SLC1A1: variants seen among roughly 807,000 people sequenced by gnomAD.
SLC1A1 encodes solute carrier family 1 member 1, also known as excitatory amino acid transporter 3.
A neutral mutation model predicts 53.3 loss-of-function variants in SLC1A1; 43 were observed. The observed-to-expected ratio is 0.81, with a 90% CI of 0.63 to 1.04. SLC1A1 has a LOEUF of 1.04. Among genes scored for constraint, SLC1A1 ranks in the 50% least tolerant of loss-of-function variants. The pLI, the probability that SLC1A1 is intolerant of heterozygous loss-of-function variation, is 0.00. For synonymous variants in SLC1A1, 307 were observed against 243.2 expected (o/e 1.26, Z -2.44); for missense variants, 748 against 664.9 (o/e 1.12, Z -1.37).
rs1818445096 is a variant in SLC1A1 at position 4,556,848 on chromosome 9, T to C, written c.233-4601T>C. Among the ~76,000 whole-genome samples, 1 of 152,100 alleles carries C rather than the reference T, an allele frequency of 6.6e-6. No homozygotes were observed. Among genetic ancestry groups the C allele is most frequent in the South Asian group, 2.1e-4 (1 of 4,818 alleles). ...ATGTATCATTTACTATATAACCAGA[T>C]ATACAGTTTGCGGTTTTAGAATTTC... On this transcript the variant is annotated intron_variant, in intron 2 of 11. Transcript: ENST00000262352. The surrounding 1 kb of genome is among the most constrained non-coding windows in gnomAD (Gnocchi z 4.1).
In SLC1A1 at chr9:4,583,882, T is replaced by TCACACACACACACA. The variant is rs113177004; in HGVS notation, c.1328+727_1328+740dup. Among the ~76,000 whole-genome samples, 8 of 136,964 alleles carry TCACACACACACACA rather than the reference T, an allele frequency of 5.8e-5. No individual in the cohort carries two copies. The highest frequency in any genetic ancestry group is 2.3e-4 in the African/African-American group (8 of 35,262). The allele number at this position is 136,964 out of a possible 152,430, so 89.9% of individuals were successfully genotyped here. On this transcript the variant is annotated intron_variant, in intron 11 of 11. Transcript: ENST00000262352. This position sits in a 1 kb window ranked among gnomAD's most constrained non-coding sequence, Gnocchi z 4.6. ...CTCTCTCTCTCTCTCTCTCTCTCTC[T>TCACACACACACACA]CACACACACACACACACACACACAC...
chr9:4,527,646 C>G (rs560555778), intron 1 of SLC1A1, among the ~76,000 whole-genome samples: 1 of 152,240 alleles, frequency 6.6e-6, no homozygotes, highest in African/African-American at 2.4e-5. Flanking sequence ...AAAAGATCTA[C>G]AGAAATTGTT....
intron 1 of SLC1A1, among the ~76,000 whole-genome samples, chr9:4,491,151 C>A (rs1191279127): frequency 6.6e-6 from 1 of 152,246 alleles, no homozygotes; most frequent in Admixed American, 6.5e-5. Context: ...ACCTTCCTCA[C>A]CCCACACCCC....
At position 4,561,486 on chromosome 9, in the gene SLC1A1, T is replaced by G. The variant is rs754120775; in HGVS notation, c.270T>G (p.Ile90Met). Residue 90 changes from isoleucine to methionine, a missense_variant, in exon 3 of 12, where the codon ATT becomes ATG. Physicochemically the swap from Ile to Met is conservative, Grantham distance 10. Coordinates refer to ENST00000262352, the MANE Select transcript of SLC1A1 (RefSeq NM_004170.6). ...AALDSNVSGK[I>M]GLRAVVYYFC... ...TGGATTCCAACGTATCCGGAAAAAT[T>G]GGTCTGCGCGCTGTCGTGTATTATT... 41 of 1,611,152 alleles carry G rather than the reference T, an allele frequency of 2.5e-5. No homozygotes were observed. The highest frequency in any genetic ancestry group is 2.9e-5 in the Non-Finnish European group (34 of 1,177,444).
chr9:4,541,539 T>C (rs565962893), intron 1 of SLC1A1, among the ~76,000 whole-genome samples: 2 of 152,120 alleles, frequency 1.3e-5, no homozygotes, highest in African/African-American at 4.8e-5. Flanking sequence ...TAGTCTATAA[T>C]GAAGATCCAT....
At chr9:4,545,862 G>A (rs1425327694) in intron 2 of SLC1A1, among the ~76,000 whole-genome samples, 4 of 148,874 alleles carry the variant, frequency 2.7e-5, no homozygotes, top group African/African-American at 1.0e-4. Context: ...AAGTTTCTCT[G>A]CATTGCAGTT....
At position 4,583,252 on chromosome 9, in the gene SLC1A1, A is replaced by C; in HGVS notation, c.1328+80A>C. On this transcript the variant is annotated intron_variant, in intron 11 of 11. Coordinates refer to ENST00000262352, the MANE Select transcript of SLC1A1 (RefSeq NM_004170.6). This position sits in a 1 kb window ranked among gnomAD's most constrained non-coding sequence, Gnocchi z 4.6. ...CTCGCAGGCGCTGCAGTCTGTCATC[A>C]TTCTCTCCTCAGATTGCCTAATGAG... The C allele has an allele frequency of 6.3e-7, 1 of 1,575,670 alleles. No individual in the cohort carries two copies. The highest frequency in any genetic ancestry group is 8.7e-7 in the Non-Finnish European group (1 of 1,146,448).
At chr9:4,528,203 G>A (rs1323027066) in intron 1 of SLC1A1, among the ~76,000 whole-genome samples, 1 of 152,092 alleles carries the variant, frequency 6.6e-6, no homozygotes, top group Non-Finnish European at 1.5e-5. Flanking sequence ...AAACTGTACA[G>A]CCCACCTCCC....
At chr9:4,533,567 A>G (rs151316985) in intron 1 of SLC1A1, among the ~76,000 whole-genome samples, 2 of 152,118 alleles carry the variant, frequency 1.3e-5, no homozygotes, top group Non-Finnish European at 2.9e-5. Flanking sequence ...CATAAAGCAA[A>G]TCCTTAGAGA....
At chr9:4,507,123 A>G (rs899038173) in intron 1 of SLC1A1, among the ~76,000 whole-genome samples, 2 of 152,176 alleles carry the variant, frequency 1.3e-5, no homozygotes, top group Non-Finnish European at 2.9e-5. Context: ...AGTCCCAGCC[A>G]CTTGGGAGGT....
chr9:4,535,259 G>A (rs1816631479), intron 1 of SLC1A1, among the ~76,000 whole-genome samples: 1 of 152,168 alleles, frequency 6.6e-6, no homozygotes, highest in Non-Finnish European at 1.5e-5. Flanking sequence ...GAAAAGAGAA[G>A]TCAAATTGTC....
chr9:4,517,432 T>C (rs1378879637), intron 1 of SLC1A1, among the ~76,000 whole-genome samples: 2 of 152,190 alleles, frequency 1.3e-5, no homozygotes, highest in Non-Finnish European at 2.9e-5. Flanking sequence ...CCTCACAACA[T>C]AGCACCTCTG....
At chr9:4,529,450 C>T (rs188286586) in intron 1 of SLC1A1, among the ~76,000 whole-genome samples, 1 of 152,306 alleles carries the variant, frequency 6.6e-6, no homozygotes, top group Non-Finnish European at 1.5e-5. Context: ...TTTGATGAAA[C>T]TGTACTGTCT....
In SLC1A1 at chr9:4,556,058, G is replaced by A. The variant is rs543453117; in HGVS notation, c.233-5391G>A. 2.7e-5 allele frequency among the ~76,000 whole-genome samples: 4 copies of A among 150,654 alleles called. No individual in the cohort carries two copies. Among genetic ancestry groups the A allele is most frequent in the South Asian group, 2.1e-4 (1 of 4,772 alleles). ...GGCTGAAGTGCAGTGGCATGATATC[G>A]GCTCACTGCAACCTCCACCTCCCAG... On this transcript the variant is annotated intron_variant, in intron 2 of 11. Transcript: ENST00000262352. This position sits in a 1 kb window ranked among gnomAD's most constrained non-coding sequence, Gnocchi z 4.1.
At chr9:4,524,965 A>T (rs1002591031) in intron 1 of SLC1A1, among the ~76,000 whole-genome samples, 14 of 152,092 alleles carry the variant, frequency 9.2e-5, no homozygotes, top group Admixed American at 6.5e-5. Flanking sequence ...CCTGCCTTCC[A>T]ATACTGCCAC....
intron 1 of SLC1A1, among the ~76,000 whole-genome samples, chr9:4,524,182 T>C (rs569914563): frequency 6.6e-6 from 1 of 152,354 alleles, no homozygotes; most frequent in Non-Finnish European, 1.5e-5. Context: ...ATATAACAAG[T>C]TCTTGATGTA....
At position 4,585,698 on chromosome 9, in the gene SLC1A1, AT is replaced by A. The variant is rs1821524874; in HGVS notation, c.*143del. ...TACAGACCTCCAGATTATTTTCTAT[AT>A]TTGGATTCACAGCCTTTGCGCTCTG... On this transcript the variant is annotated 3_prime_UTR_variant, in exon 12 of 12. Transcript: ENST00000262352. 9.0e-7 allele frequency: 1 copy of A among 1,116,794 alleles called. No individual in the cohort carries two copies. The highest frequency in any genetic ancestry group is 1.3e-6 in the Non-Finnish European group (1 of 765,750). The allele number at this position is 1,116,794 out of a possible 1,614,324, so 69.2% of individuals were successfully genotyped here. A position where few individuals can be genotyped will look rare whatever the true frequency, so the allele number is the denominator to read the frequency against.
chr9:4,567,512 G>A (rs1392697126), intron 5 of SLC1A1, among the ~76,000 whole-genome samples, 157 bp from the exon 6 acceptor site: 1 of 152,184 alleles, frequency 6.6e-6, no homozygotes, highest in Admixed American at 6.5e-5. Context: ...AACCTGATGG[G>A]AGGTACCGTT....
At chr9:4,494,984 A>C (rs1045750365) in intron 1 of SLC1A1, among the ~76,000 whole-genome samples, 1 of 152,186 alleles carries the variant, frequency 6.6e-6, no homozygotes, top group Admixed American at 6.5e-5. Context: ...ATTCATTCTA[A>C]ATTGTTTTCT....
Sources: allele counts gnomAD v4.1 joint callset (sites outside exome capture counted in the v4.1 genomes callset), GRCh38; gene constraint gnomAD v4.1.1; non-coding constraint Gnocchi (gnomAD v3.1); transcripts MANE v1.5; gene names NCBI Gene and HGNC (gene_info 2026-07-23, HGNC 2026-07-21).